The following UGT1A6 variants were observed in gnomAD, a reference collection of about 807,000 sequenced individuals.
UGT1A6 encodes the protein UDP-glucuronosyltransferase 1A6.
Under a neutral mutation model 44.4 loss-of-function variants are expected in UGT1A6, and 32 were observed. The observed-to-expected ratio is 0.72, with a 90% CI of 0.54 to 0.97. The LOEUF (loss-of-function observed/expected upper bound fraction) is 0.97. Among genes scored for constraint, UGT1A6 ranks in the 50% least tolerant of loss-of-function variants. The pLI, the probability that UGT1A6 is intolerant of heterozygous loss-of-function variation, is 0.00. For synonymous variants in UGT1A6, 238 were observed against 248.5 expected, an observed-to-expected ratio of 0.96 and a Z score of 0.40; for missense variants, 685 against 661.9, an observed-to-expected ratio of 1.03 and a Z score of -0.38.
At chr2:233,710,142 A>G (rs971862599) in intron 1 of UGT1A6, among the ~76,000 whole-genome samples, 1 of 152,224 alleles carries the variant, frequency 6.6e-6, no homozygotes, top group Non-Finnish European at 1.5e-5. Context: ...CATTGTATAG[A>G]TATATCATCA....
At chr2:233,755,343 G>C (rs1398050139) in intron 1 of UGT1A6, 2 of 413,026 alleles carry the variant, frequency 4.8e-6, no homozygotes, top group Non-Finnish European at 8.6e-6. Flanking sequence ...GCACAGGTCA[G>C]AGGCTTGGCG....
At chr2:233,718,781 G>T (rs767988524) in intron 1 of UGT1A6, 21 of 1,613,022 alleles carry the variant, frequency 1.3e-5, no homozygotes, top group Non-Finnish European at 1.7e-5. Context: ...AGCAGGCACA[G>T]CGTGGGGTGG....
At chr2:233,711,416 G>C (rs1339296798) in intron 1 of UGT1A6, among the ~76,000 whole-genome samples, 1 of 152,236 alleles carries the variant, frequency 6.6e-6, no homozygotes, top group Non-Finnish European at 1.5e-5. Flanking sequence ...GGCTCATCAG[G>C]AGGGTGCTTA....
chr2:233,698,878 C>T (rs958200005), intron 1 of UGT1A6, among the ~76,000 whole-genome samples: 1 of 152,216 alleles, frequency 6.6e-6, no homozygotes, highest in Non-Finnish European at 1.5e-5. Flanking sequence ...GCGACTTTGA[C>T]CAAAGCCTTA....
chr2:233,695,903 T>G (rs1451387957), intron 1 of UGT1A6, among the ~76,000 whole-genome samples: 4 of 151,844 alleles, frequency 2.6e-5, no homozygotes, highest in African/African-American at 4.8e-5. Flanking sequence ...ATGTGTGGGG[T>G]TTTTTTTCTC....
At chr2:233,742,731 A>G (rs1692080362) in intron 1 of UGT1A6, 1 of 152,930 alleles carries the variant, frequency 6.5e-6, no homozygotes, top group Non-Finnish European at 1.5e-5. Context: ...TATGGGATTC[A>G]AATGTCTGAC....
chr2:233,744,136 G>A, intron 1 of UGT1A6: 1 of 352,326 alleles, frequency 2.8e-6, no homozygotes, highest in Non-Finnish European at 5.4e-6. Flanking sequence ...GTGAGGCCCT[G>A]TGATGCTCCA....
rs777947055 is a variant in UGT1A6 at position 233,719,057 on chromosome 2, C to G, written c.861+25192C>G. The G allele has an allele frequency of 2.1e-5, 34 of 1,614,154 alleles. No homozygotes were observed. In the Admixed American group the frequency reaches 2.3e-4, roughly 11 times the overall value. On this transcript the variant is annotated intron_variant, in intron 1 of 4. Transcript: ENST00000305139. ...AAGAGAAATTTTTCACCCTGACAGC[C>G]TATGCTGTTCCATGGACCCAGAAGG...
intron 1 of UGT1A6, among the ~76,000 whole-genome samples, chr2:233,706,104 C>A (rs1265794764): frequency 2.6e-5 from 4 of 151,128 alleles, no homozygotes; most frequent in African/African-American, 9.7e-5. Context: ...TAAAAAAAAA[C>A]CAAGAATTTC....
At chr2:233,727,130 G>A (rs2077585965) in intron 1 of UGT1A6, among the ~76,000 whole-genome samples, 1 of 152,168 alleles carries the variant, frequency 6.6e-6, no homozygotes, top group Non-Finnish European at 1.5e-5. Context: ...TGGCAGAGGG[G>A]AACAAGACCA....
intron 1 of UGT1A6, among the ~76,000 whole-genome samples, chr2:233,724,153 T>C (rs1193924523): frequency 7.3e-3 from 371 of 51,008 alleles, no homozygotes; most frequent in Admixed American, 0.011. Flanking sequence ...GCTGGCCGGG[T>C]GGGGGGGCTG....
intron 1 of UGT1A6, among the ~76,000 whole-genome samples, chr2:233,737,512 C>T (rs2078888926): frequency 6.6e-6 from 1 of 152,170 alleles, no homozygotes; most frequent in African/African-American, 2.4e-5. Context: ...CTTGCACTTC[C>T]TAGGTGAGGC....
At chr2:233,722,242 C>G (rs1184629735) in intron 1 of UGT1A6, among the ~76,000 whole-genome samples, 1 of 152,204 alleles carries the variant, frequency 6.6e-6, no homozygotes, top group Non-Finnish European at 1.5e-5. Context: ...CATGTATTAT[C>G]TGTGACAGAC....
At chr2:233,698,992 T>G (rs1394299071) in intron 1 of UGT1A6, among the ~76,000 whole-genome samples, 2 of 152,230 alleles carry the variant, frequency 1.3e-5, no homozygotes, top group Non-Finnish European at 2.9e-5. Context: ...AGGTGGTGAT[T>G]CCTGCTGTAA....
At chr2:233,768,524 T>C (rs1008769562) in intron 4 of UGT1A6, 85 bp downstream of exon 4, 5 of 1,531,904 alleles carry the variant, frequency 3.3e-6, no homozygotes, top group Non-Finnish European at 4.4e-6. Context: ...ACGTAGCATT[T>C]AATAGCGTTG....
chr2:233,769,558 G>A lies in UGT1A6; in HGVS notation c.1301+1119G>A. On this transcript the variant is annotated intron_variant, in intron 4 of 4. Coordinates refer to ENST00000305139, the MANE Select transcript of UGT1A6 (RefSeq NM_001072.4). This position sits in a 1 kb window ranked among gnomAD's most constrained non-coding sequence, Gnocchi z 4.4. ...AGAAGCAGCAGTCAGGAAGACAGAT[G>A]TGAAGAGCTGGAGCATGTTCAGATG... 2 of 1,612,872 alleles carry A rather than the reference G, an allele frequency of 1.2e-6. No individual in the cohort carries two copies. The highest frequency in any genetic ancestry group is 1.7e-6 in the Non-Finnish European group (2 of 1,179,832).
intron 1 of UGT1A6, among the ~76,000 whole-genome samples, chr2:233,725,765 A>G (rs547066557): frequency 6.7e-4 from 102 of 152,264 alleles, no homozygotes; most frequent in African/African-American, 2.2e-3. Flanking sequence ...CATTTTCTTC[A>G]CATAGTTTGT....
chr2:233,744,013 C>G, intron 1 of UGT1A6: 1 of 1,057,576 alleles, frequency 9.5e-7, no homozygotes. Flanking sequence ...ACCTGGGCCG[C>G]CTGGAGAGAC....
At chr2:233,724,723 C>T (rs1313169772) in intron 1 of UGT1A6, among the ~76,000 whole-genome samples, 1 of 144,588 alleles carries the variant, frequency 6.9e-6, no homozygotes, top group African/African-American at 2.6e-5. Flanking sequence ...GACTGGGCAG[C>T]CAGGCAGAGG....
Sources: allele counts gnomAD v4.1 joint callset (sites outside exome capture counted in the v4.1 genomes callset), GRCh38; gene constraint gnomAD v4.1.1; non-coding constraint Gnocchi (gnomAD v3.1); transcripts MANE v1.5; gene names NCBI Gene and HGNC (gene_info 2026-07-23, HGNC 2026-07-21).